PARVA: variants seen among roughly 807,000 people sequenced by gnomAD.
PARVA encodes the protein parvin alpha.
A neutral mutation model predicts 52.6 loss-of-function variants in PARVA; 25 were observed. The observed-to-expected ratio is 0.48, with a 90% CI of 0.35 to 0.66. PARVA has a LOEUF of 0.66. Ranked by LOEUF, PARVA falls within the 30% of genes least tolerant of loss-of-function variation. PARVA has a pLI of 0.01. For synonymous variants in PARVA, 185 were observed against 179.1 expected (o/e 1.03, Z -0.26); for missense variants, 373 against 450.9 (o/e 0.83, Z 1.56).
At chr11:12,511,385 C>G in intron 7 of PARVA, 129 bp from the exon 8 acceptor site, 1 of 955,930 alleles carries the variant, frequency 1.0e-6, no homozygotes, top group Admixed American at 2.0e-5. Context: ...AGCTCCTCAA[C>G]CAAGGGCAGG....
At chr11:12,497,360 C>CTT (rs1248774902) in intron 5 of PARVA, among the ~76,000 whole-genome samples, 1 of 152,058 alleles carries the variant, frequency 6.6e-6, no homozygotes, top group African/African-American at 2.4e-5. Context: ...TGTGTTTTGC[C>CTT]TTTAACTATT....
At chr11:12,515,830 G>A (rs578038339) in intron 10 of PARVA, among the ~76,000 whole-genome samples, 4 of 152,200 alleles carry the variant, frequency 2.6e-5, no homozygotes, top group Admixed American at 6.5e-5. Context: ...GATAGAAGCT[G>A]GGAGGAGCTA....
At chr11:12,453,088 G>A (rs543885074) in intron 1 of PARVA, 4 of 454,324 alleles carry the variant, frequency 8.8e-6, no homozygotes, top group Admixed American at 7.1e-5. Context: ...TTCTTTGTTG[G>A]GGGGGCGCCC....
chr11:12,403,908 C>T (rs1009540143), intron 1 of PARVA, among the ~76,000 whole-genome samples: 10 of 152,174 alleles, frequency 6.6e-5, no homozygotes, highest in African/African-American at 2.4e-4. Flanking sequence ...TGATTTTTAA[C>T]CCTCTCTCAC....
intron 1 of PARVA, among the ~76,000 whole-genome samples, chr11:12,419,197 A>C (rs1940112256): frequency 6.6e-6 from 1 of 152,208 alleles, no homozygotes; most frequent in South Asian, 2.1e-4. Context: ...GTGCATTCAC[A>C]CTGTTTTGTA....
chr11:12,528,352 C>G lies in PARVA; in HGVS notation c.*427C>G, dbSNP rs567593307. 2.3e-4 allele frequency: 38 copies of G among 164,924 alleles called. No homozygotes were observed. The highest frequency in any genetic ancestry group is 4.1e-4 in the Non-Finnish European group (31 of 75,940). 10.2% of individuals were successfully genotyped at this position (164,924 alleles called of 1,614,324 possible). On this transcript the variant is annotated 3_prime_UTR_variant, in exon 13 of 13. Coordinates refer to ENST00000334956, the MANE Select transcript of PARVA (RefSeq NM_018222.5). The stretch of plus-strand genomic sequence containing the variant: ...CATTAATCTTCAGGACTCCCATTGA[C>G]GTAGGTGTTTCATTCCCCTTTTACA...
chr11:12,516,406 A>G (rs936078592), intron 10 of PARVA, among the ~76,000 whole-genome samples: 3 of 150,528 alleles, frequency 2.0e-5, no homozygotes, highest in African/African-American at 7.3e-5. Flanking sequence ...CCTACCTGGA[A>G]CCCCCTACTC....
At chr11:12,451,020 G>T (rs2135014152) in intron 1 of PARVA, among the ~76,000 whole-genome samples, 1 of 152,220 alleles carries the variant, frequency 6.6e-6, no homozygotes, top group South Asian at 2.1e-4. Context: ...AGCTATCTAG[G>T]CATCCTTCAG....
At chr11:12,468,129 C>A (rs1300149471) in intron 1 of PARVA, among the ~76,000 whole-genome samples, 1 of 152,192 alleles carries the variant, frequency 6.6e-6, no homozygotes, top group Non-Finnish European at 1.5e-5. Flanking sequence ...CAAAGTTAGC[C>A]TTGTTCTACA....
intron 1 of PARVA, among the ~76,000 whole-genome samples, chr11:12,466,907 T>C (rs1471835134): frequency 6.6e-6 from 1 of 152,254 alleles, no homozygotes; most frequent in Non-Finnish European, 1.5e-5. Flanking sequence ...AGAATCAGTT[T>C]GTCAATATCC....
At chr11:12,424,865 C>G (rs1940205979) in intron 1 of PARVA, among the ~76,000 whole-genome samples, 1 of 152,186 alleles carries the variant, frequency 6.6e-6, no homozygotes, top group South Asian at 2.1e-4. Flanking sequence ...TTGAACTACC[C>G]TAATCATTTC....
upstream of PARVA, chr11:12,376,680 CTG>C: frequency 1.0e-6 from 1 of 969,370 alleles, no homozygotes; most frequent in Non-Finnish European, 1.2e-6. Flanking sequence ...TGCTGTGAGT[CTG>C]TGTGTGAGAG....
chr11:12,427,240 C>T lies in PARVA; in HGVS notation c.137-46505C>T, dbSNP rs1405848575. ...ATAACTCTTGCTGAATTAGCTAACCCAGCTGAAACAGATACTTAGATAGCA... is the reference window on the plus strand; with the variant it reads ...ATAACTCTTGCTGAATTAGCTAACCTAGCTGAAACAGATACTTAGATAGCA... On this transcript the variant is annotated intron_variant, in intron 1 of 12. Coordinates refer to ENST00000334956, the MANE Select transcript of PARVA (RefSeq NM_018222.5). Among the ~76,000 whole-genome samples, 3 of 152,116 alleles carry T rather than the reference C, an allele frequency of 2.0e-5. No homozygotes were observed. In the South Asian group the frequency reaches 6.2e-4, roughly 32 times the overall value.
chr11:12,428,141 G>C (rs1940263457), intron 1 of PARVA, among the ~76,000 whole-genome samples: 1 of 152,198 alleles, frequency 6.6e-6, no homozygotes, highest in Non-Finnish European at 1.5e-5. Flanking sequence ...GAGGGGACTG[G>C]GAAATTTACA....
Position 12,486,449 on chromosome 11 carries a change from C to A in PARVA, c.400+8500C>A, listed in dbSNP as rs531274388. On this transcript the variant is annotated intron_variant, in intron 4 of 12. Coordinates refer to ENST00000334956, the MANE Select transcript of PARVA (RefSeq NM_018222.5). ...TTGGGAGGCTGAGGCAGGAGAATCG[C>A]TTGAACTCGGCAGGCGGAGGTTGCA... 2.0e-5 allele frequency among the ~76,000 whole-genome samples: 3 copies of A among 152,244 alleles called. No individual in the cohort carries two copies. In the South Asian group the frequency reaches 6.2e-4, roughly 32 times the overall value.
At chr11:12,483,811 C>T (rs80153419) in intron 4 of PARVA, among the ~76,000 whole-genome samples, 4,136 of 152,284 alleles carry the variant, frequency 0.027, 182 homozygotes, top group African/African-American at 0.089. Flanking sequence ...CTGCCAGCAA[C>T]GCTGGCCTGC....
rs11823757 is a variant in PARVA, at chr11:12,453,365, T to C, written c.137-20380T>C. Among the ~76,000 whole-genome samples, 537 of 152,236 alleles carry C rather than the reference T, an allele frequency of 3.5e-3. 7 individuals are homozygous for C. The highest frequency in any genetic ancestry group is 0.012 in the African/African-American group (505 of 41,536). On this transcript the variant is annotated intron_variant, in intron 1 of 12. Transcript: ENST00000334956. ...GCTGTTCTGTGCTCCTACATAATGG[T>C]AGGATTCTGAAACAATACAAAGAAG... is the stretch of plus-strand genomic sequence containing the variant.
At chr11:12,508,505 T>C (rs760325700) in intron 6 of PARVA, 79 bp from the exon 7 acceptor site, 38 of 957,072 alleles carry the variant, frequency 4.0e-5, no homozygotes, top group Non-Finnish European at 6.0e-5. Flanking sequence ...TTATCAGGAA[T>C]GCTCATCAGT....
chr11:12,474,465 G>A (rs917762181), intron 3 of PARVA, among the ~76,000 whole-genome samples: 30 of 152,004 alleles, frequency 2.0e-4, no homozygotes, highest in African/African-American at 6.3e-4. Flanking sequence ...GCTGGCGTGC[G>A]CTTGTCCTTT....
Sources: allele counts gnomAD v4.1 joint callset (sites outside exome capture counted in the v4.1 genomes callset), GRCh38; gene constraint gnomAD v4.1.1; transcripts MANE v1.5; gene names NCBI Gene and HGNC (gene_info 2026-07-23, HGNC 2026-07-21).